Variants in HERC4 observed in about 807,000 individuals in gnomAD.
HERC4 encodes HECT and RLD domain containing E3 ubiquitin protein ligase 4.
In HERC4, 28 loss-of-function variants were observed where a neutral mutation model predicts 124.3. The ratio of observed to expected loss-of-function variants is 0.23; its 90% confidence interval spans 0.17 to 0.31. HERC4 has a LOEUF of 0.31. HERC4 is among the 10% of genes least tolerant of loss of function. HERC4 has a pLI of 1.00. For missense variants in HERC4, 713 were observed against 1,229.3 expected (o/e 0.58, Z 6.28); for synonymous variants, 407 against 421.5 (o/e 0.97, Z 0.42).
intron 6 of HERC4, among the ~76,000 whole-genome samples, chr10:68,033,626 A>T (rs1441869702): frequency 6.6e-6 from 1 of 152,216 alleles, no homozygotes; most frequent in Admixed American, 6.5e-5. Flanking sequence ...TCAAAGATTA[A>T]CACTTCATGT....
At chr10:67,970,559 T>A (rs1458056016) in intron 15 of HERC4, among the ~76,000 whole-genome samples, 4 of 149,178 alleles carry the variant, frequency 2.7e-5, no homozygotes, top group African/African-American at 9.9e-5. Context: ...ACCACTGCAC[T>A]CCACCCTGGG....
Position 67,966,713 on chromosome 10 carries a change from G to A in HERC4, c.1896C>T (p.Ile632=). 3 of 1,609,740 alleles carry A rather than the reference G, an allele frequency of 1.9e-6. No individual in the cohort carries two copies. Among genetic ancestry groups the A allele is most frequent in the Non-Finnish European group, 2.5e-6 (3 of 1,178,092 alleles). ...QELIDIRNDY[I]NWVQQQAYGM... is the part of the protein sequence containing the mutation. Reference sequence around the variant, plus strand: ...CATAGGCCTGCTGTTGGACCCAGTTGATATAATCATTTCTTATGTCTATCA... The same window carrying A: ...CATAGGCCTGCTGTTGGACCCAGTTAATATAATCATTTCTTATGTCTATCA... Residue 632 remains isoleucine (I), a synonymous_variant, in exon 16 of 25, where the codon ATC becomes ATT. Coordinates refer to ENST00000373700, the MANE Select transcript of HERC4 (RefSeq NM_015601.4).
chr10:68,047,885 C>T (rs936663738), intron 3 of HERC4, among the ~76,000 whole-genome samples: 2 of 151,778 alleles, frequency 1.3e-5, no homozygotes, highest in African/African-American at 2.4e-5. Context: ...TTTACTCAAA[C>T]ACTTATGTCC....
chr10:68,049,191 A>C (rs901238559), intron 3 of HERC4, among the ~76,000 whole-genome samples: 1 of 152,186 alleles, frequency 6.6e-6, no homozygotes, highest in Non-Finnish European at 1.5e-5. Flanking sequence ...GCAATTAAAA[A>C]AAAAAATCAA....
chr10:67,980,352 C>T (rs189028489), intron 15 of HERC4, among the ~76,000 whole-genome samples: 68 of 152,102 alleles, frequency 4.5e-4, no homozygotes, highest in African/African-American at 1.1e-3. Flanking sequence ...AGGCTGGTCT[C>T]GAACTCCCGA....
intron 9 of HERC4, among the ~76,000 whole-genome samples, chr10:68,000,592 T>C (rs370271607): frequency 2.1e-5 from 3 of 141,160 alleles, no homozygotes; most frequent in African/African-American, 5.0e-5. Flanking sequence ...AAAAAAAAAA[T>C]TGTGTGTTGA....
intron 9 of HERC4, chr10:67,996,132 C>T (rs1201583484): frequency 2.2e-6 from 1 of 450,712 alleles, no homozygotes. Context: ...ATGGCAAGAC[C>T]TCGCCTCTAC....
Position 68,059,703 on chromosome 10 carries a change from T to TATCATAATATTATATATTATAA in HERC4, c.226+13179_226+13180insTTATAATATATAATATTATGAT, listed in dbSNP as rs2040831545. On this transcript the variant is annotated intron_variant, in intron 3 of 24. Transcript: ENST00000373700. ...TATCATAATATTATATATTATAATA[T>TATCATAATATTATATATTATAA]TATATATCATAATATTATATATTAT... Among the ~76,000 whole-genome samples, 3 of 56,348 alleles carry TATCATAATATTATATATTATAA rather than the reference T, an allele frequency of 5.3e-5. 1 individual carries two copies. The highest frequency in any genetic ancestry group is 2.6e-4 in the African/African-American group (2 of 7,628). The allele number at this position is 56,348 out of a possible 152,430, so 37.0% of individuals were successfully genotyped here.
intron 3 of HERC4, among the ~76,000 whole-genome samples, chr10:68,059,496 T>TATAA: frequency 7.8e-6 from 1 of 127,668 alleles, no homozygotes; most frequent in East Asian, 2.2e-4. Context: ...TATTATAACA[T>TATAA]TATATATTAT....
At chr10:67,941,806 C>T (rs2132144059) in intron 19 of HERC4, among the ~76,000 whole-genome samples, 2 of 151,470 alleles carry the variant, frequency 1.3e-5, no homozygotes, top group Admixed American at 1.3e-4. Flanking sequence ...AGGCACACAC[C>T]ACCACAGCCA....
chr10:68,057,284 T>C (rs887380643), intron 3 of HERC4, among the ~76,000 whole-genome samples: 17 of 152,068 alleles, frequency 1.1e-4, no homozygotes, highest in African/African-American at 4.8e-5. Flanking sequence ...GATCAAACCA[T>C]GCATTCTACA....
intron 19 of HERC4, among the ~76,000 whole-genome samples, chr10:67,943,109 C>A (rs1272903426): frequency 6.6e-6 from 1 of 152,176 alleles, no homozygotes; most frequent in African/African-American, 2.4e-5. Context: ...ATATTTGTTA[C>A]ATACAACCCA....
At chr10:67,954,319 C>T in intron 19 of HERC4, 1 of 259,904 alleles carries the variant, frequency 3.8e-6, no homozygotes, top group Non-Finnish European at 7.2e-6. Context: ...GATTATTATT[C>T]AATCCTCAAA....
intron 15 of HERC4, among the ~76,000 whole-genome samples, chr10:67,983,089 A>G (rs980881306): frequency 2.0e-5 from 3 of 151,860 alleles, no homozygotes; most frequent in Admixed American, 2.0e-4. Flanking sequence ...AAAAAAAAAA[A>G]ACAAAACAAA....
At chr10:67,977,556 T>C (rs751852387) in intron 15 of HERC4, among the ~76,000 whole-genome samples, 1 of 152,108 alleles carries the variant, frequency 6.6e-6, no homozygotes, top group African/African-American at 2.4e-5. Flanking sequence ...CTTTGTCTTG[T>C]ACCTTGGGTA....
chr10:67,983,786 C>A (rs1282573390), intron 15 of HERC4, among the ~76,000 whole-genome samples: 108 of 100,108 alleles, frequency 1.1e-3, no homozygotes, highest in Non-Finnish European at 1.2e-3. Flanking sequence ...GACTCTGTCT[C>A]AAAAAAAAAA....
intron 4 of HERC4, among the ~76,000 whole-genome samples, chr10:68,041,148 T>A (rs2039747472): frequency 1.1e-5 from 1 of 91,962 alleles, no homozygotes; most frequent in Non-Finnish European, 1.8e-5. Context: ...CAACCACTAA[T>A]GTTTAGTAAA....
At chr10:68,047,264 CAGAG>C (rs972215844) in intron 3 of HERC4, among the ~76,000 whole-genome samples, 1 of 149,300 alleles carries the variant, frequency 6.7e-6, no homozygotes, top group Non-Finnish European at 1.5e-5. Context: ...CAAAAGTTCA[CAGAG>C]AAAGAAACAG....
At chr10:67,932,522 A>G in intron 23 of HERC4, 75 bp downstream of exon 23, 1 of 1,302,706 alleles carries the variant, frequency 7.7e-7, no homozygotes, top group Non-Finnish European at 1.1e-6. Flanking sequence ...AAAATAAAAA[A>G]TAATACATAA....
Sources: allele counts gnomAD v4.1 joint callset (sites outside exome capture counted in the v4.1 genomes callset), GRCh38; gene constraint gnomAD v4.1.1; transcripts MANE v1.5; gene names NCBI Gene and HGNC (gene_info 2026-07-23, HGNC 2026-07-21).